The following DZANK1 variants were observed in gnomAD, a reference collection of about 807,000 sequenced individuals.
DZANK1 encodes double zinc ribbon and ankyrin repeat domains 1.
In DZANK1, 91 loss-of-function variants were observed where a neutral mutation model predicts 94.5. That is an observed-to-expected ratio of 0.96 (90% CI 0.81 to 1.15). DZANK1 has a LOEUF of 1.15. Among genes scored for constraint, DZANK1 ranks in the 50% most tolerant of loss-of-function variants. The pLI is 0.00. For missense variants in DZANK1, 903 were observed against 916.4 expected, an observed-to-expected ratio of 0.99 and a Z score of 0.19; for synonymous variants, 312 against 325.3, an observed-to-expected ratio of 0.96 and a Z score of 0.44.
Position 18,451,170 on chromosome 20 carries a change from T to C in DZANK1, c.543+1445A>G, listed in dbSNP as rs1045765997. Among the ~76,000 whole-genome samples, 7 of 152,266 alleles carry C rather than the reference T, an allele frequency of 4.6e-5. No homozygotes were observed. In the South Asian group the frequency reaches 1.5e-3, roughly 32 times the overall value. On this transcript the variant is annotated intron_variant, in intron 6 of 20. Coordinates refer to ENST00000262547, the Ensembl canonical transcript of DZANK1. ...CATATTGGCCAGGCTGGTCTCGAAC[T>C]CCTGACCTCATGATCTGCCTGCCTC...
At chr20:18,454,042 A>G in intron 4 of DZANK1, 1 of 653,948 alleles carries the variant, frequency 1.5e-6, no homozygotes. Flanking sequence ...TGTAGCCCTC[A>G]CCAGGTGAAG....
intron 8 of DZANK1, among the ~76,000 whole-genome samples, chr20:18,435,177 T>G (rs2058470117): frequency 6.6e-6 from 1 of 152,142 alleles, no homozygotes. Context: ...AACACACAGA[T>G]CCATCAGCAG....
At chr20:18,455,450 T>A in intron 3 of DZANK1, 89 bp from the exon 4 acceptor site, 1 of 791,588 alleles carries the variant, frequency 1.3e-6, no homozygotes, top group Non-Finnish European at 2.1e-6. Context: ...TTAAAGTGCC[T>A]TAGTCTAGCT....
At chr20:18,433,727 C>A (rs2148621069) in exon 9 of DZANK1, 1 of 1,614,016 alleles carries the variant, frequency 6.2e-7, no homozygotes, top group East Asian at 2.2e-5. Flanking sequence ...TGGGAGTGTT[C>A]ATGGGTACCA....
At chr20:18,426,127 C>A (rs1568953560) in intron 10 of DZANK1, among the ~76,000 whole-genome samples, 1 of 152,186 alleles carries the variant, frequency 6.6e-6, no homozygotes, top group African/African-American at 2.4e-5. Context: ...GGCCACACAG[C>A]AGGAGGTGAG....
rs55683540 is a variant in DZANK1, at chr20:18,422,799, C to CTTTTTTTTTTTT, written c.954+4256_954+4267dup. Among the ~76,000 whole-genome samples the CTTTTTTTTTTTT allele has an allele frequency of 1.7e-4, 21 of 124,812 alleles. 1 individual carries two copies. The highest frequency in any genetic ancestry group is 2.7e-4 in the Non-Finnish European group (16 of 60,342). 81.9% of individuals were successfully genotyped at this position (124,812 alleles called of 152,430 possible). On this transcript the variant is annotated intron_variant, in intron 10 of 20. Coordinates refer to ENST00000262547, the Ensembl canonical transcript of DZANK1. ...GAAGTGTGATGTCTCTGGCTTTGTT[C>CTTTTTTTTTTTT]TTTTTTTTTTTTTTTCTCAAAATTG... is the stretch of plus-strand genomic sequence containing the variant.
At chr20:18,426,553 C>T (rs2058052822) in intron 10 of DZANK1, among the ~76,000 whole-genome samples, 1 of 152,126 alleles carries the variant, frequency 6.6e-6, no homozygotes, top group Non-Finnish European at 1.5e-5. Context: ...TCATCAGAAA[C>T]GTTTTATAAA....
chr20:18,390,968 T>G (rs552964290), intron 17 of DZANK1, among the ~76,000 whole-genome samples: 15 of 152,238 alleles, frequency 9.9e-5, no homozygotes, highest in African/African-American at 2.9e-4. Context: ...GGCCAAGGCA[T>G]GCAGATCATT....
intron 8 of DZANK1, among the ~76,000 whole-genome samples, chr20:18,438,391 G>T (rs549086998): frequency 4.6e-5 from 7 of 152,118 alleles, no homozygotes; most frequent in African/African-American, 1.7e-4. Flanking sequence ...AAAAGGCAAG[G>T]TTATTCAGAA....
intron 15 of DZANK1, among the ~76,000 whole-genome samples, chr20:18,395,568 T>C (rs2056293691): frequency 6.6e-6 from 1 of 152,138 alleles, no homozygotes; most frequent in Non-Finnish European, 1.5e-5. Context: ...GTGCCCTCAG[T>C]AGGTGGATGC....
In DZANK1 at chr20:18,438,046, G is replaced by A. The variant is rs188736683; in HGVS notation, c.748-4281C>T. On this transcript the variant is annotated intron_variant, in intron 8 of 20. Coordinates refer to ENST00000262547, the Ensembl canonical transcript of DZANK1. ...ATCCTGGCTAACATGGTGAAACCCC[G>A]TCTCTACTAAAAATACAAAAAAATT... Among the ~76,000 whole-genome samples the A allele has an allele frequency of 2.3e-3, 349 of 151,474 alleles. 1 individual carries two copies. Among genetic ancestry groups the A allele is most frequent in the African/African-American group, 7.9e-3 (325 of 41,336 alleles).
chr20:18,433,815 T>C (rs753599301), intron 8 of DZANK1, 50 bp from the exon 9 acceptor site: 8 of 1,484,410 alleles, frequency 5.4e-6, no homozygotes, highest in African/African-American at 2.8e-5. Flanking sequence ...ACTGAAGGTA[T>C]GAATAGATCT....
At chr20:18,422,547 T>G (rs968158508) in intron 10 of DZANK1, among the ~76,000 whole-genome samples, 3 of 152,230 alleles carry the variant, frequency 2.0e-5, no homozygotes, top group Non-Finnish European at 4.4e-5. Context: ...CTTTGTTTCA[T>G]GCACTATGTT....
At chr20:18,446,778 C>G (rs560837565) in intron 7 of DZANK1, among the ~76,000 whole-genome samples, 14 of 152,262 alleles carry the variant, frequency 9.2e-5, no homozygotes, top group African/African-American at 3.1e-4. Context: ...AGAAATAACA[C>G]CAATTTTACA....
At chr20:18,453,775 G>T in exon 5 of DZANK1, 1 of 1,613,016 alleles carries the variant, frequency 6.2e-7, no homozygotes, top group African/African-American at 1.3e-5. Context: ...TTGATTTTCA[G>T]AGTTCTTATA....
In DZANK1 at chr20:18,401,283, G is replaced by C. The variant is rs11906413; in HGVS notation, c.1433-2657C>G. 1.8e-4 allele frequency among the ~76,000 whole-genome samples: 27 copies of C among 152,266 alleles called. No individual in the cohort carries two copies. The South Asian group carries it at 5.2e-3, about 29-fold the overall frequency. ...AAATCTCAACTCTCAAAAAAGCACT[G>C]AGTAAGGACCTTGTGAGGAAGTCCT... On this transcript the variant is annotated intron_variant, in intron 13 of 20. Coordinates refer to ENST00000262547, the Ensembl canonical transcript of DZANK1.
chr20:18,413,357 C>T (rs2057344625), intron 12 of DZANK1: 1 of 154,596 alleles, frequency 6.5e-6, no homozygotes, highest in Admixed American at 6.4e-5. Flanking sequence ...AGTAGAGAAA[C>T]CAGTATATTA....
chr20:18,452,617 G>A lies in DZANK1; in HGVS notation c.541C>T (p.Gln181Ter). The A allele has an allele frequency of 2.5e-6, 4 of 1,585,542 alleles. No individual in the cohort carries two copies. Among genetic ancestry groups the A allele is most frequent in the African/African-American group, 1.3e-5 (1 of 74,426 alleles). The change falls in exon 6 of 21, where the codon CAG (glutamine) becomes TAG (stop). Residue 181 changes from glutamine (Q) to a stop codon, truncating the protein, a stop_gained and splice_region_variant. Transcript: ENST00000262547. LOFTEE classifies it high-confidence loss of function. ...TAAAGATTGTCCTTAGAAGTTACCT[G>A]GGACTGGCGGGTGGGTGGTCTAGAA...
chr20:18,401,144 C>G (rs2056656306), intron 13 of DZANK1, among the ~76,000 whole-genome samples: 1 of 152,096 alleles, frequency 6.6e-6, no homozygotes, highest in South Asian at 2.1e-4. Flanking sequence ...GCTATGTTGG[C>G]CAGGCTGGTC....
Sources: gnomAD v4.1 joint callset for allele counts (sites outside exome capture counted in the v4.1 genomes callset) on GRCh38, gnomAD v4.1.1 for gene constraint, MANE v1.5 for transcripts, NCBI Gene and HGNC (gene_info 2026-07-23, HGNC 2026-07-21) for gene names.